Variants in KMT5A observed in about 807,000 individuals in gnomAD.
KMT5A encodes the protein N-lysine methyltransferase KMT5A.
In KMT5A, 6 loss-of-function variants were observed where a neutral mutation model predicts 40.6. The observed-to-expected ratio is 0.15, with a 90% CI of 0.08 to 0.29. KMT5A has a LOEUF of 0.29. KMT5A is among the 10% of genes least tolerant of loss of function. The pLI is 1.00. For missense variants in KMT5A, 308 were observed against 459.1 expected (o/e 0.67, Z 3.01); for synonymous variants, 153 against 178.8 (o/e 0.86, Z 1.15).
intron 3 of KMT5A, chr12:123,391,011 A>C: frequency 1.9e-6 from 1 of 528,722 alleles, no homozygotes; most frequent in Non-Finnish European, 3.4e-6. Flanking sequence ...CATATCCTTC[A>C]AGCTTGATTG....
chr12:123,395,372 C>A (rs1593463562), intron 4 of KMT5A, 106 bp downstream of exon 4: 2 of 1,111,668 alleles, frequency 1.8e-6, no homozygotes, highest in Non-Finnish European at 2.6e-6. Flanking sequence ...CACCTCTCAG[C>A]CTCTCTCATG....
intron 4 of KMT5A, among the ~76,000 whole-genome samples, chr12:123,395,539 T>G (rs1877652701): frequency 6.6e-6 from 1 of 151,900 alleles, no homozygotes; most frequent in African/African-American, 2.4e-5. Context: ...TTTTTTTGTT[T>G]GTCTTTTTTG....
chr12:123,389,628 G>C, intron 2 of KMT5A, 74 bp downstream of exon 2: 2 of 1,021,010 alleles, frequency 2.0e-6, no homozygotes, highest in Middle Eastern at 4.6e-4. Context: ...GGCGACCCCG[G>C]GTACCCGCCC....
At position 123,393,332 on chromosome 12, in the gene KMT5A, G is replaced by C. The variant is rs1040160363; in HGVS notation, c.290-1715G>C. Among the ~76,000 whole-genome samples the C allele has an allele frequency of 2.0e-5, 3 of 152,026 alleles. No individual in the cohort carries two copies. The East Asian group carries it at 5.8e-4, about 29-fold the overall frequency. On this transcript the variant is annotated intron_variant, in intron 3 of 7. Transcript: ENST00000402868. ...ATTCCAGAACGTTTCCATCACCCCA[G>C]AAAGGTACCCATTAGGCGTCACCTT...
At position 123,389,510 on chromosome 12, in the gene KMT5A, G is replaced by C. The variant is rs1013699873; in HGVS notation, c.88G>C (p.Glu30Gln). ...GGTGGCAGCGACGGCCCCGGGCCCG[G>C]AGATGGTGGAGCGGAGGGGCCCGGG... Reference protein sequence around the residue: ...AAVAATAPGPEMVERRGPGRP... With the variant: ...AAVAATAPGPQMVERRGPGRP... Residue 30 changes from glutamate (E) to glutamine (Q), a missense_variant, in exon 2 of 8, where the codon GAG becomes CAG. Around this residue, in one of 4 missense-constraint regions of KMT5A, gnomAD observed 92 missense variants for 78.3 expected, o/e 1.18. Coordinates refer to ENST00000402868, the MANE Select transcript of KMT5A (RefSeq NM_020382.7). 5.3e-6 allele frequency: 6 copies of C among 1,124,142 alleles called. No individual in the cohort carries two copies. Among genetic ancestry groups the C allele is most frequent in the African/African-American group, 5.0e-5 (3 of 59,940 alleles). 69.6% of individuals were successfully genotyped at this position (1,124,142 alleles called of 1,614,324 possible).
chr12:123,406,721 C>T (rs1878582198), intron 7 of KMT5A, among the ~76,000 whole-genome samples: 1 of 152,086 alleles, frequency 6.6e-6, no homozygotes, highest in South Asian at 2.1e-4. Context: ...AGGGCCTGTG[C>T]AGGCTCTCAA....
At chr12:123,401,339 G>A (rs142030230) in intron 5 of KMT5A, among the ~76,000 whole-genome samples, 2,436 of 150,206 alleles carry the variant, frequency 0.016, 37 homozygotes, top group Non-Finnish European at 0.022. Flanking sequence ...TAGTAGAGAT[G>A]GGGTTTCACC....
Position 123,384,142 on chromosome 12 carries a change from A to C in KMT5A, c.-57A>C, listed in dbSNP as rs1031528979. On this transcript the variant is annotated 5_prime_UTR_variant, in exon 1 of 8. Coordinates refer to ENST00000402868, the MANE Select transcript of KMT5A (RefSeq NM_020382.7). This position sits in a 1 kb window ranked among gnomAD's most constrained non-coding sequence, Gnocchi z 5.7. ...GCGGAGCAGTTGGCTGAGTTGTTGC[A>C]ACTTTTTTCGAAAGCTGGGTTTCCC... 42 of 1,609,238 alleles carry C rather than the reference A, an allele frequency of 2.6e-5. No homozygotes were observed. Among genetic ancestry groups the C allele is most frequent in the Middle Eastern group, 1.6e-4 (1 of 6,064 alleles).
At position 123,408,109 on chromosome 12, in the gene KMT5A, C is replaced by T. The variant is rs1041095456; in HGVS notation, c.*406C>T. The T allele has an allele frequency of 1.1e-4, 21 of 198,692 alleles. No homozygotes were observed. The highest frequency in any genetic ancestry group is 1.4e-4 in the African/African-American group (6 of 42,208). 12.3% of individuals were successfully genotyped at this position (198,692 alleles called of 1,614,324 possible). A position where few individuals can be genotyped will look rare whatever the true frequency, so the allele number is the denominator to read the frequency against. On this transcript the variant is annotated 3_prime_UTR_variant, in exon 8 of 8. Transcript: ENST00000402868. ...CCCCTGCACCCCCGACATCCAGGGA[C>T]GGGGTGTGAGGAAGACGCTGCCTCC...
chr12:123,404,818 A>G (rs1878413935), intron 6 of KMT5A, 66 bp from the exon 7 acceptor site: 1 of 1,497,430 alleles, frequency 6.7e-7, no homozygotes, highest in African/African-American at 1.4e-5. Flanking sequence ...AGCTCCCCGG[A>G]GACCTGCTGT....
chr12:123,394,784 C>T (rs941115398), intron 3 of KMT5A, among the ~76,000 whole-genome samples: 1 of 152,176 alleles, frequency 6.6e-6, no homozygotes, highest in East Asian at 1.9e-4. Flanking sequence ...TGGTGCCTCT[C>T]CCTCACAGGC....
intron 6 of KMT5A, 35 bp from the exon 7 acceptor site, chr12:123,404,849 A>G (rs368240391): frequency 4.4e-6 from 7 of 1,590,678 alleles, no homozygotes; most frequent in Non-Finnish European, 5.1e-6. Context: ...ATCCATTGCT[A>G]TTATGAACCA....
In KMT5A at chr12:123,402,403, G is replaced by A. The variant is rs569897179; in HGVS notation, c.598-1170G>A. 1.8e-4 allele frequency among the ~76,000 whole-genome samples: 27 copies of A among 152,336 alleles called. No individual in the cohort carries two copies. In the South Asian group the frequency reaches 4.6e-3, roughly 26 times the overall value. On this transcript the variant is annotated intron_variant, in intron 5 of 7. Transcript: ENST00000402868. Reference sequence around the variant, plus strand: ...CATTGTTCCCAGCACAGACTGCAGCGCCTGGCACATTGCAGGTGTGGATTG... The same window carrying A: ...CATTGTTCCCAGCACAGACTGCAGCACCTGGCACATTGCAGGTGTGGATTG...
At chr12:123,396,587 C>G (rs1445540241) in intron 5 of KMT5A, among the ~76,000 whole-genome samples, 155 bp downstream of exon 5, 2 of 152,176 alleles carry the variant, frequency 1.3e-5, no homozygotes, top group African/African-American at 4.8e-5. Context: ...CTGGATCTAT[C>G]GGGGATCCTC....
In KMT5A at chr12:123,409,165, T is replaced by TCCCACA. The variant is rs1878831373; in HGVS notation, c.*1467_*1468insACCCAC. The TCCCACA allele has an allele frequency of 2.7e-5, 4 of 149,150 alleles. No individual in the cohort carries two copies. The highest frequency in any genetic ancestry group is 2.7e-4 in the Admixed American group (4 of 14,918). The allele number at this position is 149,150 out of a possible 1,614,324, so 9.2% of individuals were successfully genotyped here. ...CGGTGCTACCTAAGAAAGTCTTCCC[T>TCCCACA]CCCACCCCCCGCTAGCCTGGTCAGT... On this transcript the variant is annotated 3_prime_UTR_variant, in exon 8 of 8. Transcript: ENST00000402868.
At chr12:123,405,511 TG>T in intron 7 of KMT5A, among the ~76,000 whole-genome samples, 1 of 120,014 alleles carries the variant, frequency 8.3e-6, no homozygotes, top group African/African-American at 3.0e-5. Context: ...AATTATCGCC[TG>T]CTTCCTTTTT....
At chr12:123,390,960 C>G in intron 3 of KMT5A, 174 bp downstream of exon 3, 1 of 736,820 alleles carries the variant, frequency 1.4e-6, no homozygotes, top group Non-Finnish European at 2.2e-6. Flanking sequence ...GGTGTGTGCC[C>G]TGTTGGTTTG....
intron 3 of KMT5A, among the ~76,000 whole-genome samples, chr12:123,391,604 C>G (rs1184472193): frequency 2.6e-5 from 4 of 152,232 alleles, no homozygotes; most frequent in Non-Finnish European, 5.9e-5. Flanking sequence ...CCCGAAAATA[C>G]AGGGTTAATG....
rs1216906650 is a variant in KMT5A at position 123,395,056 on chromosome 12, A to G, written c.299A>G (p.Asn100Ser). The G allele has an allele frequency of 6.4e-7, 1 of 1,569,020 alleles. No homozygotes were observed. ...GIYRKREEKRNAGNAVRSAMK... is the reference protein window; with the variant it reads ...GIYRKREEKRSAGNAVRSAMK... ...CCACCTCCGCCTGCAGAGAAAAGAA[A>G]TGCTGGGAACGCAGTACGGAGCGCC... is the stretch of plus-strand genomic sequence containing the variant. The change falls in exon 4 of 8, where the codon AAT becomes AGT. Residue 100 changes from asparagine (N) to serine (S), a missense_variant. Physicochemically the swap from Asn to Ser is conservative, Grantham distance 46. This residue lies in a region of KMT5A where 127 missense variants were observed against 129.8 expected (regional missense o/e 0.98). Coordinates refer to ENST00000402868, the MANE Select transcript of KMT5A (RefSeq NM_020382.7).
Sources: allele counts gnomAD v4.1 joint callset (sites outside exome capture counted in the v4.1 genomes callset), GRCh38; gene constraint gnomAD v4.1.1; regional missense constraint gnomAD v4.1.1; non-coding constraint Gnocchi (gnomAD v3.1); transcripts MANE v1.5; gene names NCBI Gene and HGNC (gene_info 2026-07-23, HGNC 2026-07-21).